Variants in CDH26 observed in about 807,000 individuals in gnomAD.
The protein encoded by CDH26 is cadherin-like protein 26.
CDH26 carries 83 observed loss-of-function variants against 90.3 expected under a neutral mutation model. The observed-to-expected ratio is 0.92, with a 90% CI of 0.77 to 1.10. The LOEUF (loss-of-function observed/expected upper bound fraction) is 1.10, where lower values mean the gene tolerates loss of function less well. CDH26 is among the 50% of genes least tolerant of loss of function. The pLI is 0.00. For missense variants in CDH26, 1,013 were observed against 1,037.6 expected (o/e 0.98, Z 0.33); for synonymous variants, 397 against 396.3 (o/e 1.00, Z -0.02).
chr20:59,995,719 AG>A, intron 11 of CDH26, 113 bp from the exon 12 acceptor site: 1 of 871,852 alleles, frequency 1.1e-6, no homozygotes, highest in East Asian at 2.5e-5. Context: ...CTAACTCTGC[AG>A]TTGGCTTACT....
chr20:60,008,766 C>T (rs2061787844), intron 17 of CDH26, among the ~76,000 whole-genome samples: 1 of 152,234 alleles, frequency 6.6e-6, no homozygotes, highest in Non-Finnish European at 1.5e-5. Context: ...GCCCCAGTGA[C>T]AGCCCCAAAG....
In CDH26 at chr20:60,033,119, G is replaced by A. The variant is rs547891886; in HGVS notation, c.1144-367G>A. ...TGGCTTTGGTTTGGGAGGAAGCCAGGGCTTAACACCAGCTCTATTATTCAC... is the reference window on the plus strand; with the variant it reads ...TGGCTTTGGTTTGGGAGGAAGCCAGAGCTTAACACCAGCTCTATTATTCAC... On this transcript the variant is annotated intron_variant, in intron 8 of 8. Transcript: ENST00000370991. Among the ~76,000 whole-genome samples, 5 of 152,290 alleles carry A rather than the reference G, an allele frequency of 3.3e-5. No homozygotes were observed. The East Asian group carries it at 9.6e-4, about 29-fold the overall frequency.
Position 60,006,659 on chromosome 20 carries a change from G to C in CDH26, c.2221-54G>C. On this transcript the variant is annotated intron_variant, in intron 16 of 17. Coordinates refer to ENST00000348616, the MANE Select transcript of CDH26 (RefSeq NM_177980.4). The stretch of plus-strand genomic sequence containing the variant: ...TGGGGCCACTGACACACAGGGGTTG[G>C]GGGGTAGGACAAGGGCTCTGCTGTG... The C allele has an allele frequency of 1.3e-5, 17 of 1,315,528 alleles. No homozygotes were observed. In the Admixed American group the frequency reaches 2.7e-4, roughly 21 times the overall value. 81.5% of individuals were successfully genotyped at this position (1,315,528 alleles called of 1,614,324 possible).
At chr20:60,029,631 C>T (rs562314490) in intron 7 of CDH26, among the ~76,000 whole-genome samples, 1 of 152,172 alleles carries the variant, frequency 6.6e-6, no homozygotes, top group African/African-American at 2.4e-5. Context: ...GCCCTCCTTC[C>T]CCTTGCCTCC....
exon 8 of CDH26, chr20:60,031,416 C>T: frequency 8.5e-7 from 1 of 1,172,784 alleles, no homozygotes; most frequent in South Asian, 1.7e-5. Context: ...TTGTTTATGA[C>T]CACAAGGAAG....
chr20:60,020,848 G>T (rs866389101), intron 7 of CDH26, among the ~76,000 whole-genome samples: 1 of 152,190 alleles, frequency 6.6e-6, no homozygotes, highest in African/African-American at 2.4e-5. Context: ...AGGACTGTGG[G>T]AGTCTTGTAT....
At chr20:60,001,652 C>A in intron 15 of CDH26, 1 of 969,506 alleles carries the variant, frequency 1.0e-6, no homozygotes, top group Non-Finnish European at 1.2e-6. Flanking sequence ...TCAAATATGA[C>A]ACTTTTTAGA....
intron 4 of CDH26, among the ~76,000 whole-genome samples, chr20:59,980,466 T>C (rs995238352): frequency 6.6e-6 from 1 of 152,138 alleles, no homozygotes; most frequent in African/African-American, 2.4e-5. Context: ...GGCTAATTTT[T>C]GTATTTTTTT....
intron 5 of CDH26, among the ~76,000 whole-genome samples, chr20:59,984,009 T>C (rs2061424816): frequency 6.6e-6 from 1 of 152,216 alleles, no homozygotes; most frequent in Admixed American, 6.5e-5. Context: ...AATGATAAAA[T>C]TTAAGCTAAA....
chr20:60,000,098 G>A (rs149133897), intron 14 of CDH26, among the ~76,000 whole-genome samples: 120 of 152,296 alleles, frequency 7.9e-4, no homozygotes, highest in Non-Finnish European at 1.4e-3. Flanking sequence ...CAAGTGTGAA[G>A]ATAGCCATGA....
chr20:59,975,068 A>G (rs1157362018), intron 4 of CDH26, among the ~76,000 whole-genome samples: 1 of 152,146 alleles, frequency 6.6e-6, no homozygotes, highest in Non-Finnish European at 1.5e-5. Flanking sequence ...ATGAACAAGC[A>G]GAGTAAAATG....
At chr20:59,975,159 C>A (rs1569030418) in intron 4 of CDH26, among the ~76,000 whole-genome samples, 1 of 152,150 alleles carries the variant, frequency 6.6e-6, no homozygotes. Context: ...ATGGTACCTA[C>A]CCCTGTGACC....
chr20:59,960,917 A>G (rs761130283), intron 1 of CDH26, among the ~76,000 whole-genome samples: 38 of 152,218 alleles, frequency 2.5e-4, no homozygotes, highest in Non-Finnish European at 4.3e-4. Context: ...TTTACTGGAT[A>G]CCTGCTTTGG....
chr20:60,012,372 C>T (rs894523471), intron 17 of CDH26, among the ~76,000 whole-genome samples, 155 bp from the exon 18 acceptor site: 3 of 152,174 alleles, frequency 2.0e-5, no homozygotes, highest in Non-Finnish European at 4.4e-5. Context: ...ATGGCTGCCA[C>T]TTCTGGAACT....
intron 17 of CDH26, among the ~76,000 whole-genome samples, chr20:60,009,025 C>A (rs1056233895): frequency 6.6e-6 from 1 of 152,198 alleles, no homozygotes; most frequent in African/African-American, 2.4e-5. Context: ...CCATGTGTCT[C>A]TCCCGAGCCG....
intron 17 of CDH26, among the ~76,000 whole-genome samples, chr20:60,007,893 T>C (rs934658243): frequency 2.0e-5 from 3 of 152,190 alleles, no homozygotes; most frequent in South Asian, 2.1e-4. Flanking sequence ...GGGTCTATTA[T>C]GTGAGATTCT....
chr20:60,026,996 A>G (rs954994691), intron 7 of CDH26, among the ~76,000 whole-genome samples: 2 of 152,318 alleles, frequency 1.3e-5, no homozygotes, highest in Non-Finnish European at 1.5e-5. Context: ...CGGCTCCTGC[A>G]AGAAGGCTGG....
intron 17 of CDH26, among the ~76,000 whole-genome samples, chr20:60,012,186 T>A (rs2146023058): frequency 6.6e-6 from 1 of 151,426 alleles, no homozygotes; most frequent in South Asian, 2.1e-4. Flanking sequence ...CGGGGGGTCA[T>A]GGAAGGGGAG....
At position 60,031,427 on chromosome 20, in the gene CDH26, G is replaced by C. The variant is rs761825318; in HGVS notation, c.1143+1G>C. 9.8e-6 allele frequency: 11 copies of C among 1,125,718 alleles called. No homozygotes were observed. The highest frequency in any genetic ancestry group is 1.7e-4 in the East Asian group (2 of 11,896). The allele number at this position is 1,125,718 out of a possible 1,614,324, so 69.7% of individuals were successfully genotyped here. On this transcript the variant is annotated splice_donor_variant, in intron 8 of 8. Coordinates refer to the CDH26 transcript ENST00000370991. LOFTEE classifies it high-confidence loss of function. ...AAAGTTGTTTATGACCACAAGGAAG[G>C]TTTGAGTCTCTATATTTTTGCATGT...
Sources: gnomAD v4.1 joint callset for allele counts (sites outside exome capture counted in the v4.1 genomes callset) on GRCh38, gnomAD v4.1.1 for gene constraint, MANE v1.5 for transcripts, NCBI Gene and HGNC (gene_info 2026-07-23, HGNC 2026-07-21) for gene names.